The following STYXL1 variants were observed in gnomAD, a reference collection of about 807,000 sequenced individuals.
STYXL1 encodes the protein serine/threonine/tyrosine-interacting-like protein 1.
In STYXL1, 32 loss-of-function variants were observed where a neutral mutation model predicts 36.4. The ratio of observed to expected loss-of-function variants is 0.88; its 90% confidence interval spans 0.66 to 1.18. The LOEUF (loss-of-function observed/expected upper bound fraction) is 1.18, where lower values mean the gene tolerates loss of function less well. Ranked by LOEUF, STYXL1 falls within the 50% of genes most tolerant of loss-of-function variation. The pLI, the probability that STYXL1 is intolerant of heterozygous loss-of-function variation, is 0.00. For missense variants in STYXL1, 354 were observed against 394.1 expected (o/e 0.90, Z 0.86); for synonymous variants, 133 against 144.1 (o/e 0.92, Z 0.55).
At chr7:76,024,052 A>C (rs1794385788) in intron 3 of STYXL1, among the ~76,000 whole-genome samples, 1 of 152,056 alleles carries the variant, frequency 6.6e-6, no homozygotes, top group Non-Finnish European at 1.5e-5. Flanking sequence ...AGAAGGCAGT[A>C]AACAGATGCC....
At chr7:76,017,148 G>C (rs1170721796) in intron 4 of STYXL1, among the ~76,000 whole-genome samples, 1 of 151,898 alleles carries the variant, frequency 6.6e-6, no homozygotes, top group Non-Finnish European at 1.5e-5. Flanking sequence ...TCAGCCTCTC[G>C]AGTAGCTAGG....
chr7:75,999,836 G>T (rs185188994), intron 8 of STYXL1, among the ~76,000 whole-genome samples: 1 of 152,160 alleles, frequency 6.6e-6, no homozygotes, highest in African/African-American at 2.4e-5. Context: ...GTGAGCCACC[G>T]CGCCCGGCCT....
intron 2 of STYXL1, among the ~76,000 whole-genome samples, chr7:76,029,289 G>A (rs1795068295): frequency 6.6e-6 from 1 of 151,942 alleles, no homozygotes; most frequent in Non-Finnish European, 1.5e-5. Context: ...TGGGACCACA[G>A]GCACATGCCA....
chr7:76,005,074 G>A lies in STYXL1; in HGVS notation c.599+185C>T, dbSNP rs183756870. On this transcript the variant is annotated intron_variant, in intron 6 of 8. Coordinates refer to ENST00000359697, the MANE Select transcript of STYXL1 (RefSeq NM_001317785.2). ...GGAGATATACCTAATGCTAAATGACGAGTTAATGGGTGCAGCACACCAACA... is the reference window on the plus strand; with the variant it reads ...GGAGATATACCTAATGCTAAATGACAAGTTAATGGGTGCAGCACACCAACA... 1.2e-4 allele frequency among the ~76,000 whole-genome samples: 17 copies of A among 147,498 alleles called. No individual in the cohort carries two copies. The East Asian group carries it at 2.7e-3, about 23-fold the overall frequency.
At chr7:76,036,758 G>A (rs1353998642) in intron 1 of STYXL1, among the ~76,000 whole-genome samples, 1 of 148,770 alleles carries the variant, frequency 6.7e-6, no homozygotes, top group Admixed American at 6.7e-5. Context: ...CCTTTATACA[G>A]GACTCTTTCA....
At chr7:76,029,223 T>C (rs782316994) in intron 2 of STYXL1, among the ~76,000 whole-genome samples, 4 of 152,060 alleles carry the variant, frequency 2.6e-5, no homozygotes, top group Non-Finnish European at 2.9e-5. Context: ...CTCGGCTCAC[T>C]GCAATCTCCG....
intron 5 of STYXL1, 134 bp downstream of exon 5, chr7:76,013,608 A>G (rs1039434666): frequency 3.0e-6 from 4 of 1,325,780 alleles, no homozygotes; most frequent in Non-Finnish European, 4.2e-6. Context: ...TGTTTTTAGT[A>G]TAGACAGAAT....
chr7:76,017,511 A>G (rs1409389566), intron 4 of STYXL1, among the ~76,000 whole-genome samples: 1 of 152,058 alleles, frequency 6.6e-6, no homozygotes, highest in Non-Finnish European at 1.5e-5. Flanking sequence ...TAAACATCAG[A>G]AGCATATAGA....
chr7:76,013,724 C>T lies in STYXL1; in HGVS notation c.453+18G>A, dbSNP rs1004104030. On this transcript the variant is annotated intron_variant, in intron 5 of 8. Coordinates refer to ENST00000359697, the MANE Select transcript of STYXL1 (RefSeq NM_001317785.2). ...TCCTTCCCGTCTGGGCCTGCCTGTG[C>T]TCAGCATTTGGCCCTACCTGAGGCA... 4 of 1,613,692 alleles carry T rather than the reference C, an allele frequency of 2.5e-6. No homozygotes were observed. The highest frequency in any genetic ancestry group is 2.5e-6 in the Non-Finnish European group (3 of 1,179,838).
At position 76,013,901 on chromosome 7, in the gene STYXL1, C is replaced by T; in HGVS notation, c.308-14G>A. 6.2e-7 allele frequency: 1 copy of T among 1,601,104 alleles called. No individual in the cohort carries two copies. Among genetic ancestry groups the T allele is most frequent in the East Asian group, 2.2e-5 (1 of 44,692 alleles). On this transcript the variant is annotated splice_polypyrimidine_tract_variant and intron_variant, in intron 4 of 8. Coordinates refer to ENST00000359697, the MANE Select transcript of STYXL1 (RefSeq NM_001317785.2). ...GAGGCACAAGATCTGAGAGTGGAGA[C>T]CAAAGACATGAATGTCTCCTGTGTA... is the stretch of plus-strand genomic sequence containing the variant.
chr7:76,004,506 C>T (rs1791402210), intron 6 of STYXL1, among the ~76,000 whole-genome samples: 1 of 150,510 alleles, frequency 6.6e-6, no homozygotes, highest in African/African-American at 2.5e-5. Context: ...GAGTTCGAGA[C>T]CAGCCCAGGC....
At chr7:76,041,343 C>G (rs1324944735) in intron 1 of STYXL1, among the ~76,000 whole-genome samples, 1 of 152,070 alleles carries the variant, frequency 6.6e-6, no homozygotes, top group Non-Finnish European at 1.5e-5. Context: ...ATGATCAGTA[C>G]ATGTGGGTGT....
chr7:76,040,992 A>G (rs1796427436), intron 1 of STYXL1, among the ~76,000 whole-genome samples: 1 of 151,822 alleles, frequency 6.6e-6, no homozygotes, highest in African/African-American at 2.4e-5. Flanking sequence ...GATGATAACC[A>G]CCTTTCTAAC....
chr7:76,019,450 C>A (rs1793787275), intron 4 of STYXL1, among the ~76,000 whole-genome samples: 1 of 151,828 alleles, frequency 6.6e-6, no homozygotes, highest in African/African-American at 2.4e-5. Flanking sequence ...GCATGCACCA[C>A]CATGCCTGGC....
intron 1 of STYXL1, chr7:76,043,951 A>G (rs969909705): frequency 6.6e-6 from 1 of 152,228 alleles, no homozygotes; most frequent in African/African-American, 2.4e-5. Flanking sequence ...AAGGGCAAGC[A>G]AAGATTTAAA....
chr7:76,039,624 T>C (rs1365801113), intron 1 of STYXL1, among the ~76,000 whole-genome samples: 1 of 151,952 alleles, frequency 6.6e-6, no homozygotes, highest in East Asian at 1.9e-4. Flanking sequence ...CCTCCTAACT[T>C]TGCCTTGATC....
chr7:76,039,922 C>G (rs1269465347), intron 1 of STYXL1, among the ~76,000 whole-genome samples: 1 of 152,220 alleles, frequency 6.6e-6, no homozygotes, highest in Non-Finnish European at 1.5e-5. Context: ...GCTGGGATAA[C>G]AGGCATTAGC....
chr7:76,034,834 C>G (rs1795759923), intron 1 of STYXL1, among the ~76,000 whole-genome samples: 1 of 152,186 alleles, frequency 6.6e-6, no homozygotes, highest in Non-Finnish European at 1.5e-5. Context: ...AGCTGAGGAC[C>G]AACACTCTAA....
chr7:76,026,192 C>CAAAAAAAAAAAAAAAAA (rs1159067824), intron 3 of STYXL1, among the ~76,000 whole-genome samples: 5 of 18,624 alleles, frequency 2.7e-4, no homozygotes, highest in Admixed American at 9.3e-4. Flanking sequence ...ACTCTGTCTC[C>CAAAAAAAAAAAAAAAAA]AAAAAAAAAA....
Sources: gnomAD v4.1 joint callset for allele counts (sites outside exome capture counted in the v4.1 genomes callset) on GRCh38, gnomAD v4.1.1 for gene constraint, MANE v1.5 for transcripts, NCBI Gene and HGNC (gene_info 2026-07-23, HGNC 2026-07-21) for gene names.